The following WDR19 variants were observed in gnomAD, a reference collection of about 807,000 sequenced individuals.
WDR19 encodes the protein WD repeat domain 19, also known as WD repeat-containing protein 19.
A neutral mutation model predicts 180.0 loss-of-function variants in WDR19; 121 were observed. That is an observed-to-expected ratio of 0.67 (90% CI 0.58 to 0.78). The LOEUF (loss-of-function observed/expected upper bound fraction) is 0.78, where lower values mean the gene tolerates loss of function less well. Ranked by LOEUF, WDR19 falls within the 30% of genes least tolerant of loss-of-function variation. The probability of loss-of-function intolerance (pLI) is 0.00; values close to 1 mark genes in which losing one functional copy is unlikely to be tolerated. For missense variants in WDR19, 1,450 were observed against 1,640.7 expected (o/e 0.88, Z 2.01); for synonymous variants, 497 against 540.7 (o/e 0.92, Z 1.12).
At chr4:39,248,556 G>A (rs1352506485) in intron 24 of WDR19, among the ~76,000 whole-genome samples, 11 of 152,138 alleles carry the variant, frequency 7.2e-5, no homozygotes, top group Admixed American at 2.0e-4. Flanking sequence ...GCACAGACTG[G>A]CAAATTGGAT....
At chr4:39,200,901 G>A (rs1727299351) in intron 6 of WDR19, among the ~76,000 whole-genome samples, 1 of 152,136 alleles carries the variant, frequency 6.6e-6, no homozygotes, top group Middle Eastern at 3.2e-3. Flanking sequence ...GCCATATTTT[G>A]TGGTACAAAT....
At chr4:39,205,030 A>G in intron 7 of WDR19, 124 bp from the exon 8 acceptor site, 1 of 644,908 alleles carries the variant, frequency 1.6e-6, no homozygotes, top group Non-Finnish European at 2.7e-6. Context: ...TAGTTACAGC[A>G]TTTAGCACAT....
At position 39,278,227 on chromosome 4, in the gene WDR19, C is replaced by G; in HGVS notation, c.3917+20C>G. The G allele has an allele frequency of 6.3e-7, 1 of 1,577,080 alleles. No homozygotes were observed. The highest frequency in any genetic ancestry group is 1.8e-5 in the Admixed American group (1 of 54,660). On this transcript the variant is annotated intron_variant, in intron 35 of 36. Transcript: ENST00000399820. ...GAAGATGTAAGTGTGCATCACGTCA[C>G]TCAGTCTCACTGATTTCTCCCGACA... is the stretch of plus-strand genomic sequence containing the variant.
At chr4:39,266,213 C>A in intron 29 of WDR19, 73 bp downstream of exon 29, 1 of 1,335,912 alleles carries the variant, frequency 7.5e-7, no homozygotes, top group Non-Finnish European at 1.0e-6. Context: ...TTTTACCCAT[C>A]ATGCTTTTAC....
rs1275093466 is a variant in WDR19 at position 39,255,963 on chromosome 4, T to C, written c.3114+3T>C. 1.1e-5 allele frequency: 16 copies of C among 1,492,466 alleles called. No individual in the cohort carries two copies. The highest frequency in any genetic ancestry group is 1.4e-5 in the Non-Finnish European group (15 of 1,110,666). 92.5% of individuals were successfully genotyped at this position (1,492,466 alleles called of 1,614,324 possible). ...TGCTGTGTGGCCAATATTCACGAGTTAGTATTTGCCAAGAAAATATACACT... is the reference window on the plus strand; with the variant it reads ...TGCTGTGTGGCCAATATTCACGAGTCAGTATTTGCCAAGAAAATATACACT... On this transcript the variant is annotated splice_donor_region_variant and intron_variant, in intron 27 of 36. Transcript: ENST00000399820.
At chr4:39,244,151 C>T (rs1008169518) in intron 21 of WDR19, 97 bp from the exon 22 acceptor site, 3 of 1,392,228 alleles carry the variant, frequency 2.2e-6, no homozygotes, top group African/African-American at 2.9e-5. Context: ...TAAACCATAA[C>T]CTTTGGACTC....
chr4:39,262,680 C>G (rs1245323118), intron 28 of WDR19, among the ~76,000 whole-genome samples: 1 of 152,138 alleles, frequency 6.6e-6, no homozygotes, highest in Non-Finnish European at 1.5e-5. Context: ...CTAAACTGTC[C>G]TCGGGATGAA....
intron 31 of WDR19, among the ~76,000 whole-genome samples, chr4:39,271,495 G>C (rs1191182580): frequency 6.6e-6 from 1 of 152,130 alleles, no homozygotes; most frequent in Non-Finnish European, 1.5e-5. Context: ...CTTAAGCCCA[G>C]GAGTTTGAGG....
At chr4:39,268,142 G>A (rs997696236) in intron 30 of WDR19, 51 bp downstream of exon 30, 2 of 1,473,020 alleles carry the variant, frequency 1.4e-6, no homozygotes, top group Non-Finnish European at 1.8e-6. Context: ...GCAGAATCAA[G>A]CCCCAGCCCC....
At chr4:39,184,365 G>A (rs1435309365) in intron 1 of WDR19, among the ~76,000 whole-genome samples, 3 of 151,542 alleles carry the variant, frequency 2.0e-5, no homozygotes, top group African/African-American at 7.3e-5. Flanking sequence ...AGCCAAGATC[G>A]CCCCACTGCA....
rs1727129249 is a variant in WDR19 at position 39,199,338 on chromosome 4, A to T, written c.407-140A>T. ...ATACCTTGGTAATAAACTGTTTTAAATAAGGTTGCGTAGACATTAACTGCT... is the reference window on the plus strand; with the variant it reads ...ATACCTTGGTAATAAACTGTTTTAATTAAGGTTGCGTAGACATTAACTGCT... On this transcript the variant is annotated intron_variant, in intron 5 of 36. Transcript: ENST00000399820. The T allele has an allele frequency of 1.7e-5, 11 of 639,900 alleles. No individual in the cohort carries two copies. In the South Asian group the frequency reaches 2.1e-4, roughly 12 times the overall value. The allele number at this position is 639,900 out of a possible 1,614,324, so 39.6% of individuals were successfully genotyped here. A position where few individuals can be genotyped will look rare whatever the true frequency, so the allele number is the denominator to read the frequency against.
intron 20 of WDR19, among the ~76,000 whole-genome samples, chr4:39,238,679 T>C (rs1173089234): frequency 6.6e-6 from 1 of 152,210 alleles, no homozygotes; most frequent in African/African-American, 2.4e-5. Flanking sequence ...CAGAACAGCT[T>C]CTTTTCCAAA....
At chr4:39,183,114 C>T (rs1042579146) in intron 1 of WDR19, among the ~76,000 whole-genome samples, 2 of 152,122 alleles carry the variant, frequency 1.3e-5, no homozygotes, top group African/African-American at 4.8e-5. Context: ...AAATCTGCAC[C>T]CGAAAACTCA....
chr4:39,205,132 A>G (rs1727811196), intron 7 of WDR19, 22 bp from the exon 8 acceptor site: 1 of 1,521,210 alleles, frequency 6.6e-7, no homozygotes, highest in Non-Finnish European at 8.9e-7. Flanking sequence ...TCATTTCACA[A>G]TCTCCTAATC....
At chr4:39,192,630 T>G (rs1164834819) in intron 4 of WDR19, among the ~76,000 whole-genome samples, 2 of 152,020 alleles carry the variant, frequency 1.3e-5, no homozygotes, top group African/African-American at 4.8e-5. Context: ...CCCAGCTAAA[T>G]TTTGTATTTT....
Position 39,253,357 on chromosome 4 carries a change from C to T in WDR19, c.2876+65C>T. ...AACCATAAAAGTAAGCCTCTGCCTT[C>T]TATCATCAAATATATTAATTCAAAA... On this transcript the variant is annotated intron_variant, in intron 25 of 36. Transcript: ENST00000399820. 3 of 1,463,644 alleles carry T rather than the reference C, an allele frequency of 2.0e-6. No individual in the cohort carries two copies. In the South Asian group the frequency reaches 3.9e-5, roughly 19 times the overall value. The allele number at this position is 1,463,644 out of a possible 1,614,324, so 90.7% of individuals were successfully genotyped here.
chr4:39,189,725 C>A lies in WDR19; in HGVS notation c.234C>A (p.Cys78Ter), dbSNP rs1232301082. ...VLAVIAEKSS[C>*]IYLWDANTNK... ...CAGTGATTGCTGAGAAATCTAGCTG[C>A]ATTTATCTTTGGGATGCCAACACAA... Residue 78 changes from cysteine to a stop codon, truncating the protein, a stop_gained, in exon 4 of 37, where the codon TGC becomes TGA. Coordinates refer to ENST00000399820, the MANE Select transcript of WDR19 (RefSeq NM_025132.4). LOFTEE classifies it high-confidence loss of function. The A allele has an allele frequency of 6.2e-7, 1 of 1,611,586 alleles. No homozygotes were observed. The highest frequency in any genetic ancestry group is 1.7e-5 in the Admixed American group (1 of 59,606).
chr4:39,196,052 T>C (rs1246141847), intron 5 of WDR19, among the ~76,000 whole-genome samples: 1 of 152,210 alleles, frequency 6.6e-6, no homozygotes, highest in Non-Finnish European at 1.5e-5. Context: ...TTCTTCTCCC[T>C]TTCTTGGGTA....
chr4:39,205,823 G>T, intron 9 of WDR19, 87 bp downstream of exon 9: 2 of 1,225,912 alleles, frequency 1.6e-6, no homozygotes, highest in Non-Finnish European at 2.2e-6. Context: ...ATATGAATCT[G>T]GCAATCATGT....
Sources: allele counts gnomAD v4.1 joint callset (sites outside exome capture counted in the v4.1 genomes callset), GRCh38; gene constraint gnomAD v4.1.1; transcripts MANE v1.5; gene names NCBI Gene and HGNC (gene_info 2026-07-23, HGNC 2026-07-21).